Variants in ENOX2 observed in about 807,000 individuals in gnomAD.
ENOX2 encodes ecto-NOX disulfide-thiol exchanger 2.
In ENOX2, 36 loss-of-function variants were observed where a neutral mutation model predicts 45.0. The observed-to-expected ratio is 0.80, with a 90% confidence interval of 0.61 to 1.06. ENOX2 has a LOEUF of 1.06. ENOX2 is among the 50% of genes least tolerant of loss of function. The pLI, the probability that ENOX2 is intolerant of heterozygous loss-of-function variation, is 0.00. For synonymous variants in ENOX2, 174 were observed against 152.3 expected (o/e 1.14, Z -1.05); for missense variants, 423 against 462.5 (o/e 0.91, Z 0.78).
chrX:130,656,781 A>ATT, intron 9 of ENOX2, 86 bp from the exon 10 acceptor site: 1 of 546,640 alleles, frequency 1.8e-6, no homozygotes, highest in Non-Finnish European at 3.0e-6. Flanking sequence ...ATAAAGCAGC[A>ATT]TTTTTTTTTG....
intron 11 of ENOX2, among the ~76,000 whole-genome samples, chrX:130,636,882 T>C (rs760755187): frequency 8.9e-5 from 10 of 112,064 alleles, no homozygotes; most frequent in Non-Finnish European, 1.7e-4. Context: ...CAGCTCTTTT[T>C]CATATCTAAA....
intron 9 of ENOX2, among the ~76,000 whole-genome samples, chrX:130,665,145 C>G (rs1201704970): frequency 1.8e-5 from 2 of 111,892 alleles, no homozygotes; most frequent in Non-Finnish European, 3.8e-5. Context: ...CCAACCTTAA[C>G]CTAAGATCAG....
rs189028513 is a variant in ENOX2, at chrX:130,832,812, C to A, written c.-182-49122G>T. On this transcript the variant is annotated intron_variant, in intron 2 of 14. Transcript: ENST00000394363. ...TAGGGACTCAAATTCCAACTTTCAT[C>A]CTGTAGAAAGCATATCTGCCTTCAC... Among the ~76,000 whole-genome samples the A allele has an allele frequency of 2.0e-3, 225 of 110,789 alleles. 1 individual carries two copies. Among genetic ancestry groups the A allele is most frequent in the Non-Finnish European group, 3.6e-3 (192 of 52,884 alleles).
chrX:130,632,243 A>T (rs189470426), intron 12 of ENOX2, among the ~76,000 whole-genome samples: 123 of 109,889 alleles, frequency 1.1e-3, no homozygotes, highest in Admixed American at 0.011. Context: ...TCTGATGAGG[A>T]CATTATCAGT....
At chrX:130,890,662 A>G (rs1427140563) in intron 2 of ENOX2, among the ~76,000 whole-genome samples, 2 of 112,993 alleles carry the variant, frequency 1.8e-5, no homozygotes, top group Non-Finnish European at 3.7e-5. Context: ...GAATCAATCA[A>G]ACTTGCACCA....
At chrX:130,634,059 A>C (rs1415268312) in intron 12 of ENOX2, among the ~76,000 whole-genome samples, 1 of 112,168 alleles carries the variant, frequency 8.9e-6, no homozygotes, top group Non-Finnish European at 1.9e-5. Context: ...CCAGTTCTTA[A>C]TGACACTCTA....
intron 4 of ENOX2, among the ~76,000 whole-genome samples, chrX:130,689,725 C>T (rs1390043315): frequency 2.7e-5 from 3 of 111,754 alleles, no homozygotes; most frequent in African/African-American, 9.8e-5. Context: ...CTTGACTTTG[C>T]CTCTAAAAGC....
chrX:130,762,780 G>T (rs924546776), intron 3 of ENOX2, among the ~76,000 whole-genome samples: 1 of 111,789 alleles, frequency 8.9e-6, no homozygotes, highest in Admixed American at 9.5e-5. Context: ...CCACGATGTA[G>T]TCTATCTTGG....
chrX:130,858,915 C>A (rs1253631230), intron 2 of ENOX2, among the ~76,000 whole-genome samples: 1 of 112,185 alleles, frequency 8.9e-6, no homozygotes, highest in Non-Finnish European at 1.9e-5. Flanking sequence ...GAAAAAGTGA[C>A]CCCTCATTTA....
chrX:130,856,721 G>C (rs189233604), intron 2 of ENOX2, among the ~76,000 whole-genome samples: 1 of 111,328 alleles, frequency 9.0e-6, no homozygotes, highest in Admixed American at 9.5e-5. Flanking sequence ...TACAGTCCCT[G>C]GAACATTCTT....
intron 2 of ENOX2, among the ~76,000 whole-genome samples, chrX:130,841,856 T>C (rs1415742932): frequency 8.9e-6 from 1 of 112,178 alleles, no homozygotes; most frequent in Non-Finnish European, 1.9e-5. Flanking sequence ...CACAGGACTC[T>C]TTCCTTCTCC....
chrX:130,622,398 A>T lies in ENOX2; in HGVS notation c.*2916T>A, dbSNP rs1462367879. On this transcript the variant is annotated 3_prime_UTR_variant, in exon 15 of 15. Coordinates refer to ENST00000394363, the MANE Select transcript of ENOX2 (RefSeq NM_006375.4). ...ATTTTGGGGCCAAAATTAAAAAAAAACTCTATATAACTTGAATGCAGATGT... is the reference window on the plus strand; with the variant it reads ...ATTTTGGGGCCAAAATTAAAAAAAATCTCTATATAACTTGAATGCAGATGT... Among the ~76,000 whole-genome samples, 1 of 111,729 alleles carries T rather than the reference A, an allele frequency of 9.0e-6. No homozygotes were observed. Among genetic ancestry groups the T allele is most frequent in the African/African-American group, 3.3e-5 (1 of 30,718 alleles).
intron 2 of ENOX2, among the ~76,000 whole-genome samples, chrX:130,819,488 T>C (rs1162254662): frequency 2.7e-5 from 3 of 112,253 alleles, no homozygotes; most frequent in African/African-American, 9.7e-5. Context: ...TGCCCATCAA[T>C]GATAGACTGG....
Position 130,673,870 on chromosome X carries a change from G to A in ENOX2, c.461-3672C>T, listed in dbSNP as rs1406351405. Among the ~76,000 whole-genome samples the A allele has an allele frequency of 2.7e-5, 3 of 111,962 alleles. No individual in the cohort carries two copies. In the East Asian group the frequency reaches 8.3e-4, roughly 31 times the overall value. On this transcript the variant is annotated intron_variant, in intron 6 of 14. Coordinates refer to ENST00000394363, the MANE Select transcript of ENOX2 (RefSeq NM_006375.4). ...TATTTTGCAAGAAGAATATCATCAG[G>A]GCATATAGGCATCAGATTATCCAAT...
At chrX:130,719,574 G>C (rs2038421676) in intron 3 of ENOX2, among the ~76,000 whole-genome samples, 1 of 112,079 alleles carries the variant, frequency 8.9e-6, no homozygotes, top group South Asian at 3.7e-4. Flanking sequence ...GGAACAAGCA[G>C]GCAAACCCCA....
chrX:130,704,185 A>G (rs2037977685), intron 3 of ENOX2, among the ~76,000 whole-genome samples: 1 of 112,053 alleles, frequency 8.9e-6, no homozygotes, highest in South Asian at 3.7e-4. Flanking sequence ...ACAATGAAAG[A>G]CTCAAATGGT....
At position 130,683,402 on chromosome X, in the gene ENOX2, A is replaced by C. The variant is rs376733544; in HGVS notation, c.254-3654T>G. Among the ~76,000 whole-genome samples the C allele has an allele frequency of 5.3e-5, 6 of 112,228 alleles. No individual in the cohort carries two copies. The East Asian group carries it at 1.7e-3, about 31-fold the overall frequency. ...ATCCCAACTGATTGGAAAAATTAGA[A>C]GGCTGGGGAATTTTAATTAATGCTC... On this transcript the variant is annotated intron_variant, in intron 5 of 14. Transcript: ENST00000394363.
chrX:130,626,932 T>C (rs1441889984), intron 14 of ENOX2, among the ~76,000 whole-genome samples: 1 of 111,011 alleles, frequency 9.0e-6, no homozygotes, highest in Non-Finnish European at 1.9e-5. Context: ...ATGCTGCTTC[T>C]GAAAAAAAAA....
In ENOX2 at chrX:130,751,476, T is replaced by C. The variant is rs181267563; in HGVS notation, c.-39+32071A>G. Among the ~76,000 whole-genome samples the C allele has an allele frequency of 3.9e-3, 434 of 112,355 alleles. 2 individuals are homozygous for C. Among genetic ancestry groups the C allele is most frequent in the African/African-American group, 0.014 (421 of 30,989 alleles). Reference sequence around the variant, plus strand: ...GATGGACATTAGGTTTGTTTCCACCTTTTTGGCTATCATGAATATAGCTGC... The same window carrying C: ...GATGGACATTAGGTTTGTTTCCACCCTTTTGGCTATCATGAATATAGCTGC... On this transcript the variant is annotated intron_variant, in intron 3 of 14. Transcript: ENST00000394363.
Sources: gnomAD v4.1 joint callset for allele counts (sites outside exome capture counted in the v4.1 genomes callset) on GRCh38, gnomAD v4.1.1 for gene constraint, MANE v1.5 for transcripts, NCBI Gene and HGNC (gene_info 2026-07-23, HGNC 2026-07-21) for gene names.